Variants in CA10 observed in about 807,000 individuals in gnomAD.
The protein encoded by CA10 is carbonic anhydrase-related protein 10.
CA10 carries 14 observed loss-of-function variants against 44.2 expected under a neutral mutation model. The ratio of observed to expected loss-of-function variants is 0.32; its 90% CI spans 0.21 to 0.50. The LOEUF (loss-of-function observed/expected upper bound fraction) is 0.50. Among genes scored for constraint, CA10 ranks in the 20% least tolerant of loss-of-function variants. The probability of loss-of-function intolerance (pLI) is 0.99; values close to 1 mark genes in which losing one functional copy is unlikely to be tolerated. For missense variants in CA10, 350 were observed against 409.7 expected, an observed-to-expected ratio of 0.85 and a Z score of 1.26; for synonymous variants, 159 against 141.6, an observed-to-expected ratio of 1.12 and a Z score of -0.87.
chr17:52,054,757 G>A (rs1185635407), intron 2 of CA10, among the ~76,000 whole-genome samples: 1 of 151,732 alleles, frequency 6.6e-6, no homozygotes, highest in Admixed American at 6.6e-5. Flanking sequence ...AAATATCGGG[G>A]GTGAATTTCC....
intron 2 of CA10, among the ~76,000 whole-genome samples, chr17:52,044,981 A>C (rs1180212670): frequency 1.3e-5 from 2 of 151,876 alleles, no homozygotes; most frequent in Non-Finnish European, 2.9e-5. Context: ...ATGAACCATA[A>C]AAAATTGAAC....
intron 3 of CA10, among the ~76,000 whole-genome samples, chr17:51,880,780 G>A (rs1220402991): frequency 6.6e-6 from 1 of 151,848 alleles, no homozygotes; most frequent in Non-Finnish European, 1.5e-5. Context: ...AAAGACTTAC[G>A]TGGAAGCATG....
intron 4 of CA10, among the ~76,000 whole-genome samples, chr17:51,659,667 C>T (rs185862953): frequency 9.2e-5 from 14 of 152,238 alleles, no homozygotes; most frequent in African/African-American, 1.7e-4. Context: ...CAACATTTGT[C>T]GAACACCTCT....
At chr17:51,884,575 G>A (rs547542123) in intron 3 of CA10, among the ~76,000 whole-genome samples, 8 of 152,146 alleles carry the variant, frequency 5.3e-5, no homozygotes, top group Non-Finnish European at 1.0e-4. Context: ...ATAGCACACA[G>A]CTTCTCCTAC....
At chr17:52,139,949 T>C (rs1177686575) in intron 1 of CA10, among the ~76,000 whole-genome samples, 2 of 152,118 alleles carry the variant, frequency 1.3e-5, no homozygotes, top group Non-Finnish European at 2.9e-5. Flanking sequence ...AAGAATAAAA[T>C]CAACTTCATG....
chr17:51,870,804 C>G (rs1567867665), intron 3 of CA10, among the ~76,000 whole-genome samples: 1 of 152,092 alleles, frequency 6.6e-6, no homozygotes, highest in African/African-American at 2.4e-5. Context: ...ACATGTGTAT[C>G]CCTAGAAAGG....
At chr17:51,841,278 A>G (rs1437462331) in intron 3 of CA10, among the ~76,000 whole-genome samples, 1 of 152,100 alleles carries the variant, frequency 6.6e-6, no homozygotes, top group Non-Finnish European at 1.5e-5. Flanking sequence ...CTGTGTGTAG[A>G]TACATACTGA....
intron 3 of CA10, among the ~76,000 whole-genome samples, chr17:51,816,464 T>TG (rs759943554): frequency 5.9e-5 from 9 of 152,236 alleles, no homozygotes; most frequent in Admixed American, 2.0e-4. Flanking sequence ...ATGGTAGCTC[T>TG]GTTTTTAGTT....
chr17:51,823,813 T>C (rs1489819526), intron 3 of CA10, among the ~76,000 whole-genome samples: 1 of 152,202 alleles, frequency 6.6e-6, no homozygotes, highest in African/African-American at 2.4e-5. Context: ...TTTTTCTAGC[T>C]AGAGCAACAT....
chr17:51,705,369 A>T (rs914524184), intron 4 of CA10, among the ~76,000 whole-genome samples: 2 of 152,104 alleles, frequency 1.3e-5, no homozygotes, highest in Non-Finnish European at 2.9e-5. Context: ...CCAACCCTGA[A>T]CCATAGCAGA....
At chr17:51,636,450 AG>A (rs1013799234) in intron 6 of CA10, among the ~76,000 whole-genome samples, 3 of 152,218 alleles carry the variant, frequency 2.0e-5, no homozygotes, top group African/African-American at 7.2e-5. Context: ...TGGTAGCCAA[AG>A]AAGTCACATG....
intron 2 of CA10, among the ~76,000 whole-genome samples, chr17:51,970,963 A>G (rs1188084616): frequency 6.6e-6 from 1 of 152,062 alleles, no homozygotes; most frequent in Non-Finnish European, 1.5e-5. Context: ...TTGCATGGGA[A>G]ATATTGCCCT....
At chr17:51,742,922 A>G (rs897851155) in intron 4 of CA10, among the ~76,000 whole-genome samples, 7 of 152,238 alleles carry the variant, frequency 4.6e-5, no homozygotes, top group African/African-American at 1.7e-4. Context: ...GAGCTATTTC[A>G]TAATCCCCTT....
At chr17:51,964,183 T>C (rs1313822338) in intron 2 of CA10, among the ~76,000 whole-genome samples, 2 of 151,846 alleles carry the variant, frequency 1.3e-5, no homozygotes, top group East Asian at 3.9e-4. Context: ...CATCAAATAA[T>C]GAAAAAAGGT....
intron 4 of CA10, among the ~76,000 whole-genome samples, chr17:51,691,833 C>T (rs542219602): frequency 6.6e-6 from 1 of 150,926 alleles, no homozygotes; most frequent in African/African-American, 2.5e-5. Context: ...ACTGTCCTTT[C>T]CCCAGTGTGT....
intron 6 of CA10, among the ~76,000 whole-genome samples, chr17:51,643,838 T>G (rs1913205596): frequency 6.6e-6 from 1 of 152,226 alleles, no homozygotes; most frequent in South Asian, 2.1e-4. Context: ...TACCACTCAT[T>G]GTTCAGGCAT....
intron 4 of CA10, among the ~76,000 whole-genome samples, chr17:51,746,002 T>C (rs1904673131): frequency 6.6e-6 from 1 of 152,210 alleles, no homozygotes; most frequent in Non-Finnish European, 1.5e-5. Context: ...TTCATTACAT[T>C]TCTTGTTGTA....
chr17:52,084,172 G>A (rs964648254), intron 1 of CA10, among the ~76,000 whole-genome samples: 6 of 152,148 alleles, frequency 3.9e-5, no homozygotes, highest in Non-Finnish European at 7.3e-5. Context: ...GGAAACATGT[G>A]GTCTTCGCTG....
chr17:51,880,307 T>A (rs1014686183), intron 3 of CA10, among the ~76,000 whole-genome samples: 10 of 152,122 alleles, frequency 6.6e-5, no homozygotes, highest in African/African-American at 1.2e-4. Context: ...AAAAAAATAT[T>A]TTTTTTTCTT....
Sources: allele counts gnomAD v4.1 joint callset (sites outside exome capture counted in the v4.1 genomes callset), GRCh38; gene constraint gnomAD v4.1.1; transcripts MANE v1.5; gene names NCBI Gene and HGNC (gene_info 2026-07-23, HGNC 2026-07-21).